NEK10: variants seen among roughly 807,000 people sequenced by gnomAD.
NEK10 encodes NIMA related kinase 10, also known as serine/threonine-protein kinase Nek10.
NEK10 carries 122 observed loss-of-function variants against 159.8 expected under a neutral mutation model. The ratio of observed to expected loss-of-function variants is 0.76; its 90% CI spans 0.66 to 0.89. NEK10 has a LOEUF of 0.89. Among genes scored for constraint, NEK10 ranks in the 40% least tolerant of loss-of-function variants. The pLI is 0.00. For synonymous variants in NEK10, 466 were observed against 457.1 expected (o/e 1.02, Z -0.25); for missense variants, 1,342 against 1,323.1 (o/e 1.01, Z -0.22).
At chr3:27,332,158 A>C (rs983220862) in intron 5 of NEK10, among the ~76,000 whole-genome samples, 3 of 152,216 alleles carry the variant, frequency 2.0e-5, no homozygotes, top group African/African-American at 7.2e-5. Context: ...AGGAGGAAAG[A>C]TTGAAACAAC....
intron 8 of NEK10, chr3:27,311,672 T>C (rs2044711229): frequency 5.1e-6 from 1 of 197,144 alleles, no homozygotes. Flanking sequence ...CACAGTCCAA[T>C]GTTTTCACAT....
Position 27,116,087 on chromosome 3 carries a change from A to G in NEK10, c.3231T>C (p.Tyr1077=). 1 of 1,613,672 alleles carries G rather than the reference A, an allele frequency of 6.2e-7. No homozygotes were observed. Among genetic ancestry groups the G allele is most frequent in the Non-Finnish European group, 8.5e-7 (1 of 1,179,754 alleles). The change falls in exon 34 of 36, where the codon TAT becomes TAC. Residue 1077 remains tyrosine (Y), a synonymous_variant. Transcript: ENST00000691995. ...GCAAAAACCTCACCTGCATCTGTTCATATGTTATTCCTTCCTCCAATTCAA... is the reference window on the plus strand; with the variant it reads ...GCAAAAACCTCACCTGCATCTGTTCGTATGTTATTCCTTCCTCCAATTCAA... The part of the protein sequence containing the change: ...TSIELEEGIT[Y]EQMQTVIEEV...
chr3:27,310,070 T>C (rs1180196600), intron 9 of NEK10: 1 of 152,132 alleles, frequency 6.6e-6, no homozygotes, highest in Non-Finnish European at 1.5e-5. Flanking sequence ...CTAAGGTAAT[T>C]TTTATGTTTC....
chr3:27,271,713 T>C (rs2041374111), intron 22 of NEK10, among the ~76,000 whole-genome samples: 1 of 152,212 alleles, frequency 6.6e-6, no homozygotes, highest in African/African-American at 2.4e-5. Flanking sequence ...GAAATGTTTC[T>C]ATTACTCTTT....
intron 23 of NEK10, among the ~76,000 whole-genome samples, chr3:27,245,105 G>A (rs1007196987): frequency 3.3e-5 from 5 of 152,112 alleles, no homozygotes; most frequent in South Asian, 2.1e-4. Context: ...TTAGCCCACT[G>A]CATCATTTCT....
At chr3:27,322,063 A>G (rs1365364593) in intron 6 of NEK10, 114 bp downstream of exon 6, 1 of 610,070 alleles carries the variant, frequency 1.6e-6, no homozygotes, top group East Asian at 2.8e-5. Flanking sequence ...GAAGCTATTG[A>G]GTTGTGAGAG....
chr3:27,318,032 T>C (rs982905739), intron 6 of NEK10, among the ~76,000 whole-genome samples: 3 of 152,124 alleles, frequency 2.0e-5, no homozygotes, highest in East Asian at 1.9e-4. Context: ...CTCGATCTCC[T>C]GACTTCGTGA....
intron 31 of NEK10, among the ~76,000 whole-genome samples, chr3:27,133,697 C>A (rs1320881027): frequency 6.6e-6 from 1 of 152,128 alleles, no homozygotes; most frequent in Non-Finnish European, 1.5e-5. Context: ...TTGCTTGAAC[C>A]CCGGAGGTGG....
chr3:27,303,331 G>A (rs1484833877), intron 12 of NEK10, among the ~76,000 whole-genome samples: 1 of 152,022 alleles, frequency 6.6e-6, no homozygotes, highest in Admixed American at 6.6e-5. Flanking sequence ...TTGAAATTCT[G>A]CTTAACTATT....
At chr3:27,242,038 C>T (rs1395439571) in intron 23 of NEK10, among the ~76,000 whole-genome samples, 1 of 152,160 alleles carries the variant, frequency 6.6e-6, no homozygotes, top group South Asian at 2.1e-4. Context: ...AATGGTTAAA[C>T]TTGAATCAAG....
At chr3:27,214,096 A>G (rs932928064) in intron 23 of NEK10, among the ~76,000 whole-genome samples, 28 of 152,356 alleles carry the variant, frequency 1.8e-4, no homozygotes, top group Admixed American at 1.6e-3. Context: ...CAGGTCTTAG[A>G]TAATATCAGT....
At chr3:27,199,522 T>A (rs1336484661) in intron 25 of NEK10, among the ~76,000 whole-genome samples, 1 of 152,222 alleles carries the variant, frequency 6.6e-6, no homozygotes, top group East Asian at 1.9e-4. Flanking sequence ...TGTAAATTAG[T>A]TCTACCATTG....
chr3:27,138,688 A>T (rs1240659602), intron 31 of NEK10, among the ~76,000 whole-genome samples: 1 of 152,204 alleles, frequency 6.6e-6, no homozygotes, highest in Non-Finnish European at 1.5e-5. Flanking sequence ...TACAGATAGG[A>T]TTTGGGAACT....
At chr3:27,309,395 A>AT (rs149065549) in intron 9 of NEK10, 35,358 of 152,564 alleles carry the variant, frequency 0.23, 4,474 homozygotes, top group Middle Eastern at 0.37. Context: ...CTTCCTTTTT[A>AT]TTTTTTGCAG....
intron 26 of NEK10, among the ~76,000 whole-genome samples, chr3:27,189,490 T>C (rs1242492674): frequency 6.6e-6 from 1 of 152,148 alleles, no homozygotes; most frequent in Non-Finnish European, 1.5e-5. Context: ...TATCACTGGA[T>C]TGTGTAACTG....
At chr3:27,265,068 A>C (rs1022179795) in intron 22 of NEK10, among the ~76,000 whole-genome samples, 2 of 152,310 alleles carry the variant, frequency 1.3e-5, no homozygotes, top group African/African-American at 2.4e-5. Flanking sequence ...CAAAATAAGA[A>C]TAGTTGGGTA....
At chr3:27,331,965 G>T (rs553178883) in intron 5 of NEK10, among the ~76,000 whole-genome samples, 4 of 152,106 alleles carry the variant, frequency 2.6e-5, no homozygotes, top group African/African-American at 7.2e-5. Context: ...TGCAAATAAG[G>T]TCATACTAAA....
At position 27,353,114 on chromosome 3, in the gene NEK10, G is replaced by C. The variant is rs141729972; in HGVS notation, c.-37-195C>G. On this transcript the variant is annotated intron_variant, in intron 1 of 35. Coordinates refer to ENST00000691995, the MANE Select transcript of NEK10 (RefSeq NM_001394966.1). ...TTCAAAGGACATTGGGAACATTTAGGGCATGCTTTACCCTCACTCAAAAGA... is the reference window on the plus strand; with the variant it reads ...TTCAAAGGACATTGGGAACATTTAGCGCATGCTTTACCCTCACTCAAAAGA... Among the ~76,000 whole-genome samples, 150 of 152,094 alleles carry C rather than the reference G, an allele frequency of 9.9e-4. 1 individual carries two copies. Among genetic ancestry groups the C allele is most frequent in the Middle Eastern group, 6.8e-3 (2 of 294 alleles).
At chr3:27,342,918 A>G (rs1262154692) in intron 5 of NEK10, among the ~76,000 whole-genome samples, 1 of 152,204 alleles carries the variant, frequency 6.6e-6, no homozygotes, top group African/African-American at 2.4e-5. Context: ...GTTGAAATAT[A>G]TATGTAACTT....
Sources: allele counts gnomAD v4.1 joint callset (sites outside exome capture counted in the v4.1 genomes callset), GRCh38; gene constraint gnomAD v4.1.1; transcripts MANE v1.5; gene names NCBI Gene and HGNC (gene_info 2026-07-23, HGNC 2026-07-21).